TUBB1: variants seen among roughly 807,000 people sequenced by gnomAD.
TUBB1 encodes tubulin beta 1 class VI.
A neutral mutation model predicts 22.6 loss-of-function variants in TUBB1; 28 were observed. The observed-to-expected ratio is 1.24, with a 90% confidence interval of 0.92 to 1.70. TUBB1 has a LOEUF of 1.70. Among genes scored for constraint, TUBB1 ranks in the 40% most tolerant of loss-of-function variants. The pLI, the probability that TUBB1 is intolerant of heterozygous loss-of-function variation, is 0.00. For synonymous variants in TUBB1, 226 were observed against 238.0 expected (o/e 0.95, Z 0.46); for missense variants, 577 against 605.5 (o/e 0.95, Z 0.49).
At chr20:59,021,414 T>C (rs1222563705) in intron 1 of TUBB1, among the ~76,000 whole-genome samples, 1 of 152,244 alleles carries the variant, frequency 6.6e-6, no homozygotes, top group African/African-American at 2.4e-5. Flanking sequence ...TGCCTTGTTA[T>C]TAAGACCATG....
chr20:59,023,157 A>T (rs1176563425), intron 2 of TUBB1, among the ~76,000 whole-genome samples: 1 of 152,198 alleles, frequency 6.6e-6, no homozygotes, highest in Non-Finnish European at 1.5e-5. Flanking sequence ...TGGATATGGC[A>T]CACACCTTAA....
chr20:59,020,987 T>C (rs1022540563), intron 1 of TUBB1, among the ~76,000 whole-genome samples: 1 of 152,236 alleles, frequency 6.6e-6, no homozygotes, highest in Non-Finnish European at 1.5e-5. Flanking sequence ...TCAATGACAC[T>C]TGGGTTGTTT....
chr20:59,024,682 G>T lies in TUBB1; in HGVS notation c.1255G>T (p.Val419Leu). 1 of 1,614,142 alleles carries T rather than the reference G, an allele frequency of 6.2e-7. No individual in the cohort carries two copies. The highest frequency in any genetic ancestry group is 1.3e-5 in the African/African-American group (1 of 75,024). Residue 419 changes from valine to leucine, a missense_variant, in exon 4 of 4, where the codon GTA (valine) becomes TTA (leucine). By Grantham distance (32) the Val-to-Leu change is conservative (BLOSUM62 1). Coordinates refer to ENST00000217133, the MANE Select transcript of TUBB1 (RefSeq NM_030773.4). The surrounding 1 kb of genome is among the most constrained non-coding windows in gnomAD (Gnocchi z 4.9). ...AGCTGAAAATAACATCCATGATTTG[G>T]TATCCGAGTACCAACAATTTCAAGA... ...GEAENNIHDL[V>L]SEYQQFQDAK...
chr20:59,019,212 C>T (rs1200138438), upstream of TUBB1: 5 of 445,092 alleles, frequency 1.1e-5, no homozygotes, highest in East Asian at 9.0e-5. Context: ...CCCTGTGCCC[C>T]GAGGTGGCCT....
At chr20:59,018,691 G>A (rs552606869), upstream of TUBB1, among the ~76,000 whole-genome samples, 8 of 152,338 alleles carry the variant, frequency 5.3e-5, no homozygotes, top group East Asian at 1.5e-3. Context: ...TTACAGGAGT[G>A]AGCCACCACA....
Position 59,024,603 on chromosome 20 carries a change from AG to A in TUBB1, c.1177del (p.Ala393LeufsTer13). 3 of 1,614,200 alleles carry A rather than the reference AG, an allele frequency of 1.9e-6. No homozygotes were observed. Among genetic ancestry groups the A allele is most frequent in the Non-Finnish European group, 2.5e-6 (3 of 1,180,022 alleles). Reference protein sequence around the residue: ...EHFSAMFKRKAFVHWYTSEGM... With the variant: ...EHFSAMFKRKXFVHWYTSEGM... ...ATTTCTCAGCCATGTTCAAAAGGAA[AG>A]CTTTTGTGCACTGGTACACCAGCGA... On this transcript the variant is annotated frameshift_variant, in exon 4 of 4. Coordinates refer to ENST00000217133, the MANE Select transcript of TUBB1 (RefSeq NM_030773.4). LOFTEE classifies it low-confidence loss of function (END_TRUNC). The surrounding 1 kb of genome is among the most constrained non-coding windows in gnomAD (Gnocchi z 4.9).
At chr20:59,023,177 G>C in intron 2 of TUBB1, among the ~76,000 whole-genome samples, 1 of 152,184 alleles carries the variant, frequency 6.6e-6, no homozygotes, top group East Asian at 1.9e-4. Context: ...ACACAAGCAG[G>C]TTAAGTACTC....
At chr20:59,017,725 C>T (rs1320341553), upstream of TUBB1, among the ~76,000 whole-genome samples, 7 of 152,278 alleles carry the variant, frequency 4.6e-5, no homozygotes, top group South Asian at 4.1e-4. Flanking sequence ...CAGGGCTTCT[C>T]GCTCTGAGTT....
At chr20:59,023,629 AGGAG>A (rs757427091) in intron 3 of TUBB1, 29 bp downstream of exon 3, 2 of 1,613,852 alleles carry the variant, frequency 1.2e-6, no homozygotes, top group East Asian at 4.5e-5. Flanking sequence ...TTCCACCAGG[AGGAG>A]GGGGGGATGC....
rs2091987449 is a variant in TUBB1, at chr20:59,024,878, C to CAGCACAG, written c.*96_*102dup. ...GCACTCCAAAACCCACTCTGCACTG[C>CAGCACAG]AGCACAGTGAATGATATGCACTCAC... On this transcript the variant is annotated 3_prime_UTR_variant, in exon 4 of 4. Transcript: ENST00000217133. The surrounding 1 kb of genome is among the most constrained non-coding windows in gnomAD (Gnocchi z 4.9). 9.1e-7 allele frequency: 1 copy of CAGCACAG among 1,103,154 alleles called. No homozygotes were observed. Among genetic ancestry groups the CAGCACAG allele is most frequent in the African/African-American group, 1.5e-5 (1 of 64,822 alleles). The allele number at this position is 1,103,154 out of a possible 1,614,324, so 68.3% of individuals were successfully genotyped here. A position where few individuals can be genotyped will look rare whatever the true frequency, so the allele number is the denominator to read the frequency against.
intron 1 of TUBB1, among the ~76,000 whole-genome samples, chr20:59,022,008 T>TAAACAAACAAAC (rs113873196): frequency 2.0e-5 from 3 of 149,260 alleles, no homozygotes; most frequent in African/African-American, 7.4e-5. Context: ...AATAAATAAA[T>TAAACAAACAAAC]AAACAAACAA....
intron 1 of TUBB1, among the ~76,000 whole-genome samples, chr20:59,022,617 A>T (rs1960494691): frequency 6.6e-6 from 1 of 152,194 alleles, no homozygotes; most frequent in Non-Finnish European, 1.5e-5. Flanking sequence ...TTGACATTTT[A>T]TTTAAGGAGT....
Position 59,024,570 on chromosome 20 carries a change from C to G in TUBB1, c.1143C>G (p.Val381=). ...CCATCCAAGAGATCTTTAATAGGGT[C>G]TCTGAGCATTTCTCAGCCATGTTCA... The part of the protein sequence containing the change: ...NTAIQEIFNR[V]SEHFSAMFKR... Residue 381 remains valine, a synonymous_variant, in exon 4 of 4, where the codon GTC becomes GTG. Transcript: ENST00000217133. The surrounding 1 kb of genome is among the most constrained non-coding windows in gnomAD (Gnocchi z 4.9). 6.2e-7 allele frequency: 1 copy of G among 1,614,218 alleles called. No homozygotes were observed.
chr20:59,019,376 T>C (rs1032708517), upstream of TUBB1: 40 of 881,666 alleles, frequency 4.5e-5, no homozygotes, highest in Non-Finnish European at 7.1e-5. Flanking sequence ...GGACACACCC[T>C]TGGTCACATT....
chr20:59,024,671 T>C lies in TUBB1; in HGVS notation c.1244T>C (p.Ile415Thr). ...GAATTTGGGGAAGCTGAAAATAACA[T>C]CCATGATTTGGTATCCGAGTACCAA... The part of the protein sequence containing the change: ...INEFGEAENN[I>T]HDLVSEYQQF... The change falls in exon 4 of 4, where the codon ATC (isoleucine) becomes ACC (threonine). Residue 415 changes from isoleucine to threonine, a missense_variant. Physicochemically the swap from Ile to Thr is moderately conservative, Grantham distance 89. Coordinates refer to ENST00000217133, the MANE Select transcript of TUBB1 (RefSeq NM_030773.4). The surrounding 1 kb of genome is among the most constrained non-coding windows in gnomAD (Gnocchi z 4.9). 1.2e-6 allele frequency: 2 copies of C among 1,614,026 alleles called. No individual in the cohort carries two copies. Among genetic ancestry groups the C allele is most frequent in the Non-Finnish European group, 1.7e-6 (2 of 1,180,016 alleles).
intron 1 of TUBB1, among the ~76,000 whole-genome samples, chr20:59,022,240 C>A (rs968082250): frequency 4.7e-5 from 7 of 148,104 alleles, no homozygotes; most frequent in Non-Finnish European, 1.0e-4. Context: ...GAGGCTGAGG[C>A]AGGAGAATCG....
At position 59,024,792 on chromosome 20, in the gene TUBB1, G is replaced by A. The variant is rs370335934; in HGVS notation, c.*9G>A. On this transcript the variant is annotated 3_prime_UTR_variant, in exon 4 of 4. Coordinates refer to ENST00000217133, the MANE Select transcript of TUBB1 (RefSeq NM_030773.4). The surrounding 1 kb of genome is among the most constrained non-coding windows in gnomAD (Gnocchi z 4.9). ...AAGATAAGGGACATTAACTGTGAGA[G>A]AAGCTGTGCCGCGGAGTCGCTTACA... 1.9e-6 allele frequency: 3 copies of A among 1,613,614 alleles called. No individual in the cohort carries two copies. Among genetic ancestry groups the A allele is most frequent in the South Asian group, 1.1e-5 (1 of 91,060 alleles).
chr20:59,024,751 G>A lies in TUBB1; in HGVS notation c.1324G>A (p.Ala442Thr), dbSNP rs2091986597. 3 of 1,614,134 alleles carry A rather than the reference G, an allele frequency of 1.9e-6. No individual in the cohort carries two copies. Among genetic ancestry groups the A allele is most frequent in the Middle Eastern group, 3.3e-4 (2 of 6,062 alleles). The change falls in exon 4 of 4, where the codon GCA (alanine) becomes ACA (threonine). Residue 442 changes from alanine to threonine, a missense_variant. Coordinates refer to ENST00000217133, the MANE Select transcript of TUBB1 (RefSeq NM_030773.4). The surrounding 1 kb of genome is among the most constrained non-coding windows in gnomAD (Gnocchi z 4.9). ...LEEDEEVTEE[A>T]EMEPEDKGH ...GGAAGATGAAGAGGTCACGGAGGAG[G>A]CAGAAATGGAGCCAGAAGATAAGGG...
upstream of TUBB1, among the ~76,000 whole-genome samples, chr20:59,018,770 C>T (rs1203718040): frequency 6.6e-6 from 1 of 152,182 alleles, no homozygotes; most frequent in Non-Finnish European, 1.5e-5. Flanking sequence ...GGTAAAGGGA[C>T]CCTATGGCAA....
Sources: gnomAD v4.1 joint callset for allele counts (sites outside exome capture counted in the v4.1 genomes callset) on GRCh38, gnomAD v4.1.1 for gene constraint, Gnocchi (gnomAD v3.1) non-coding constraint, MANE v1.5 for transcripts, NCBI Gene and HGNC (gene_info 2026-07-23, HGNC 2026-07-21) for gene names.